The following TMED2 variants were observed in gnomAD, a reference collection of about 807,000 sequenced individuals.
The protein encoded by TMED2 is transmembrane p24 trafficking protein 2.
TMED2 carries 3 observed loss-of-function variants against 17.5 expected under a neutral mutation model. The observed-to-expected ratio is 0.17, with a 90% CI of 0.08 to 0.44. The LOEUF (loss-of-function observed/expected upper bound fraction) is 0.44. TMED2 is among the 20% of genes least tolerant of loss of function. TMED2 has a pLI of 0.99. For missense variants in TMED2, 149 were observed against 254.8 expected, an observed-to-expected ratio of 0.58 and a Z score of 2.83; for synonymous variants, 95 against 91.0, an observed-to-expected ratio of 1.04 and a Z score of -0.25.
intron 3 of TMED2, among the ~76,000 whole-genome samples, chr12:123,593,567 C>T (rs1953408703): frequency 1.3e-5 from 2 of 152,144 alleles, no homozygotes; most frequent in Non-Finnish European, 2.9e-5. Context: ...TGGGTGTTAA[C>T]CCTAGAATTA....
intron 3 of TMED2, 143 bp from the exon 4 acceptor site, chr12:123,596,462 C>T: frequency 9.4e-7 from 1 of 1,058,832 alleles, no homozygotes. Flanking sequence ...GATGTAACCC[C>T]ATCGTAAGTT....
chr12:123,585,794 G>GGAT (rs1313462230), intron 1 of TMED2: 3 of 152,250 alleles, frequency 2.0e-5, no homozygotes, highest in African/African-American at 7.2e-5. Context: ...TAGCAGACTG[G>GGAT]GATGAGAGTT....
intron 3 of TMED2, among the ~76,000 whole-genome samples, chr12:123,595,823 G>A (rs566090659): frequency 6.6e-6 from 1 of 152,202 alleles, no homozygotes; most frequent in South Asian, 2.1e-4. Context: ...GAGGCCAGGA[G>A]TTCAAGACCA....
intron 2 of TMED2, among the ~76,000 whole-genome samples, chr12:123,587,226 A>C: frequency 6.6e-6 from 1 of 152,062 alleles, no homozygotes; most frequent in South Asian, 2.1e-4. Context: ...GGCTTACTGC[A>C]ATCTCCGCCT....
intron 1 of TMED2, 55 bp from the exon 2 acceptor site, chr12:123,586,692 A>G: frequency 6.8e-7 from 1 of 1,472,004 alleles, no homozygotes; most frequent in Non-Finnish European, 9.1e-7. Context: ...CATTACTTAT[A>G]AAGTCTATGA....
At chr12:123,584,948 G>A in intron 1 of TMED2, 132 bp downstream of exon 1, 1 of 1,163,798 alleles carries the variant, frequency 8.6e-7, no homozygotes, top group Non-Finnish European at 1.2e-6. Context: ...AGAAGCCCAG[G>A]CCGCCACCCC....
At chr12:123,587,496 T>C in intron 2 of TMED2, 1 of 728,710 alleles carries the variant, frequency 1.4e-6, no homozygotes, top group Non-Finnish European at 1.8e-6. Flanking sequence ...AGTTATTTTT[T>C]CTGTTTATTT....
Position 123,584,585 on chromosome 12 carries a change from C to CGGCTGT in TMED2, c.-49_-48insTGTGGC. Reference sequence around the variant, plus strand: ...AGCGGGGCGGCGGCGGCGGCGGCGGCGGCGGCTGTGGAGGCCGCAGTCCGG... The same window carrying CGGCTGT: ...AGCGGGGCGGCGGCGGCGGCGGCGGCGGCTGTGGCGGCTGTGGAGGCCGCAGTCCGG... On this transcript the variant is annotated 5_prime_UTR_variant, in exon 1 of 4. Transcript: ENST00000262225. 1 of 1,569,490 alleles carries CGGCTGT rather than the reference C, an allele frequency of 6.4e-7. No individual in the cohort carries two copies.
chr12:123,594,977 C>G (rs1454789793), intron 3 of TMED2, among the ~76,000 whole-genome samples: 1 of 151,544 alleles, frequency 6.6e-6, no homozygotes, highest in Non-Finnish European at 1.5e-5. Flanking sequence ...GCCTATAATC[C>G]CAGCACTTTG....
At chr12:123,587,577 C>T (rs1373560752) in intron 2 of TMED2, 2 of 1,266,646 alleles carry the variant, frequency 1.6e-6, no homozygotes, top group Non-Finnish European at 2.0e-6. Flanking sequence ...TTTGTTGGTT[C>T]TTTTTGTGTT....
Position 123,597,725 on chromosome 12 carries a change from G to C in TMED2, c.*996G>C, listed in dbSNP as rs1953441701. On this transcript the variant is annotated 3_prime_UTR_variant, in exon 4 of 4. Transcript: ENST00000262225. ...TTTTGGCACATGTGAATCTTGTTTTGTGTAAAATGAAATTACTTTCTCTTG... is the reference window on the plus strand; with the variant it reads ...TTTTGGCACATGTGAATCTTGTTTTCTGTAAAATGAAATTACTTTCTCTTG... The C allele has an allele frequency of 6.6e-6, 1 of 152,456 alleles. No homozygotes were observed. The highest frequency in any genetic ancestry group is 2.4e-5 in the African/African-American group (1 of 41,396). The allele number at this position is 152,456 out of a possible 1,614,324, so 9.4% of individuals were successfully genotyped here.
Position 123,586,749 on chromosome 12 carries a change from T to G in TMED2, c.183T>G (p.Ile61Met). ...EGGFLDIDVE[I>M]TGPDNKGIYK... ...ATGCATTTCTCTCTTGCCTCCAGAT[T>G]ACAGGACCAGATAACAAAGGAATTT... The change falls in exon 2 of 4, where the codon ATT (isoleucine) becomes ATG (methionine). Residue 61 changes from isoleucine (I) to methionine (M), a missense_variant and splice_region_variant. Coordinates refer to ENST00000262225, the MANE Select transcript of TMED2 (RefSeq NM_006815.4). The G allele has an allele frequency of 6.3e-7, 1 of 1,594,856 alleles. No individual in the cohort carries two copies. Among genetic ancestry groups the G allele is most frequent in the Non-Finnish European group, 8.6e-7 (1 of 1,169,352 alleles).
chr12:123,587,605 C>T lies in TMED2; in HGVS notation c.373+666C>T, dbSNP rs768239648. ...TTTGTGTTAAGATATCTTAACTTTTCTTTAGGTGGTGGAGATACCTGGGAT... is the reference window on the plus strand; with the variant it reads ...TTTGTGTTAAGATATCTTAACTTTTTTTTAGGTGGTGGAGATACCTGGGAT... On this transcript the variant is annotated intron_variant, in intron 2 of 3. Coordinates refer to ENST00000262225, the MANE Select transcript of TMED2 (RefSeq NM_006815.4). The T allele has an allele frequency of 2.7e-5, 34 of 1,276,742 alleles. 1 individual carries two copies. The highest frequency in any genetic ancestry group is 2.1e-4 in the Middle Eastern group (1 of 4,670). 79.1% of individuals were successfully genotyped at this position (1,276,742 alleles called of 1,614,324 possible).
intron 3 of TMED2, among the ~76,000 whole-genome samples, chr12:123,595,155 G>A (rs1319713243): frequency 6.6e-6 from 1 of 152,140 alleles, no homozygotes; most frequent in East Asian, 1.9e-4. Flanking sequence ...CTTGAACCCA[G>A]GAGGCAGAGG....
In TMED2 at chr12:123,590,371, A is replaced by T; in HGVS notation, c.403A>T (p.Asn135Tyr). The T allele has an allele frequency of 6.2e-7, 1 of 1,609,564 alleles. No individual in the cohort carries two copies. Among genetic ancestry groups the T allele is most frequent in the Non-Finnish European group, 8.5e-7 (1 of 1,177,144 alleles). ...AHQNKLEEMI[N>Y]ELAVAMTAVK... The stretch of plus-strand genomic sequence containing the variant: ...CCAGAACAAGCTAGAAGAAATGATC[A>T]ATGAGCTAGCAGTGGCGATGACAGC... Residue 135 changes from asparagine to tyrosine, a missense_variant, in exon 3 of 4, where the codon AAT becomes TAT. Physicochemically the swap from Asn to Tyr is moderately radical, Grantham distance 143 (BLOSUM62 -2). Coordinates refer to ENST00000262225, the MANE Select transcript of TMED2 (RefSeq NM_006815.4).
chr12:123,596,544 A>G, intron 3 of TMED2, 61 bp from the exon 4 acceptor site: 1 of 1,550,526 alleles, frequency 6.4e-7, no homozygotes. Flanking sequence ...AATATTTATG[A>G]TGCCTATGTC....
intron 1 of TMED2, among the ~76,000 whole-genome samples, chr12:123,585,299 C>T (rs61376679): frequency 6.6e-6 from 1 of 152,178 alleles, no homozygotes; most frequent in South Asian, 2.1e-4. Context: ...CTATTGAGTG[C>T]TAGGCATACT....
chr12:123,590,604 C>T, intron 3 of TMED2, 155 bp downstream of exon 3: 1 of 510,876 alleles, frequency 2.0e-6, no homozygotes, highest in South Asian at 2.2e-5. Flanking sequence ...TTTGAGCATA[C>T]ACATGTGTGG....
At chr12:123,594,008 A>G (rs1418611522) in intron 3 of TMED2, among the ~76,000 whole-genome samples, 1 of 144,048 alleles carries the variant, frequency 6.9e-6, no homozygotes. Flanking sequence ...GTTTCTCCAT[A>G]TTGCCCAGGG....
Sources: gnomAD v4.1 joint callset for allele counts (sites outside exome capture counted in the v4.1 genomes callset) on GRCh38, gnomAD v4.1.1 for gene constraint, MANE v1.5 for transcripts, NCBI Gene and HGNC (gene_info 2026-07-23, HGNC 2026-07-21) for gene names.